MEF2C: variants seen among roughly 807,000 people sequenced by gnomAD.
The protein encoded by MEF2C is myocyte-specific enhancer factor 2C.
In MEF2C, 6 loss-of-function variants were observed where a neutral mutation model predicts 50.5. The observed-to-expected ratio is 0.12, with a 90% CI of 0.07 to 0.23. MEF2C has a LOEUF of 0.23. MEF2C is among the 10% of genes least tolerant of loss of function. The pLI is 1.00. For missense variants in MEF2C, 276 were observed against 605.0 expected, an observed-to-expected ratio of 0.46 and a Z score of 5.70; for synonymous variants, 183 against 228.0, an observed-to-expected ratio of 0.80 and a Z score of 1.78.
intron 3 of MEF2C, among the ~76,000 whole-genome samples, chr5:88,801,996 T>C (rs1278512942): frequency 6.6e-6 from 1 of 152,338 alleles, no homozygotes; most frequent in Middle Eastern, 3.4e-3. Flanking sequence ...ATGTGAAGAA[T>C]GCATAATTCA....
At chr5:88,772,767 A>C (rs932494163) in intron 3 of MEF2C, 21 of 985,290 alleles carry the variant, frequency 2.1e-5, no homozygotes, top group Non-Finnish European at 2.5e-5. Context: ...GCTATAAGTC[A>C]TTCACTCTTG....
intron 1 of MEF2C, chr5:88,824,290 G>A (rs1310686132): frequency 4.1e-6 from 4 of 985,114 alleles, no homozygotes; most frequent in Non-Finnish European, 1.2e-6. Context: ...AAATCAGAGA[G>A]TTAATGAACC....
chr5:88,868,695 T>C (rs969048777), intron 1 of MEF2C, among the ~76,000 whole-genome samples: 1 of 152,146 alleles, frequency 6.6e-6, no homozygotes, highest in Non-Finnish European at 1.5e-5. Flanking sequence ...AACATTCTTA[T>C]CAGTTCACCA....
Position 88,751,854 on chromosome 5 carries a change from T to G in MEF2C, c.589+3A>C. Reference sequence around the variant, plus strand: ...TTAGCATTACATCCTTATGAGGACATACCTGTGTTACCTGCACTTGGAGGT... The same window carrying G: ...TTAGCATTACATCCTTATGAGGACAGACCTGTGTTACCTGCACTTGGAGGT... On this transcript the variant is annotated splice_donor_region_variant and intron_variant, in intron 5 of 10. Coordinates refer to ENST00000504921, the MANE Select transcript of MEF2C (RefSeq NM_002397.5). 1 of 1,613,746 alleles carries G rather than the reference T, an allele frequency of 6.2e-7. No homozygotes were observed. The highest frequency in any genetic ancestry group is 1.3e-5 in the African/African-American group (1 of 75,040).
chr5:88,751,939 T>C lies in MEF2C; in HGVS notation c.507A>G (p.Leu169=). ...GCAGAGAAGGGTGAGCCAGTGGCAA[T>C]AGGTTGGGGTTTCCCAGTGAGCTGA... ...NPVSSLGNPN[L]LPLAHPSLQR... is the part of the protein sequence containing the mutation. The change falls in exon 5 of 11, where the codon CTA becomes CTG. Residue 169 remains leucine, a synonymous_variant. Coordinates refer to ENST00000504921, the MANE Select transcript of MEF2C (RefSeq NM_002397.5). The C allele has an allele frequency of 1.2e-6, 2 of 1,613,902 alleles. No homozygotes were observed. Among genetic ancestry groups the C allele is most frequent in the Non-Finnish European group, 1.7e-6 (2 of 1,179,832 alleles).
intron 1 of MEF2C, among the ~76,000 whole-genome samples, chr5:88,850,832 A>C (rs1257957260): frequency 6.6e-6 from 1 of 151,920 alleles, no homozygotes; most frequent in African/African-American, 2.4e-5. Flanking sequence ...CTTACACATG[A>C]ATTTTCTTCC....
intron 1 of MEF2C, among the ~76,000 whole-genome samples, chr5:88,869,278 CAT>C (rs57717988): frequency 0.16 from 7,733 of 48,494 alleles, 460 homozygotes; most frequent in African/African-American, 0.29. Flanking sequence ...TATATATATA[CAT>C]ATATATATAT....
At chr5:88,849,332 A>C (rs1173127653) in intron 1 of MEF2C, among the ~76,000 whole-genome samples, 1 of 152,178 alleles carries the variant, frequency 6.6e-6, no homozygotes, top group Non-Finnish European at 1.5e-5. Context: ...ATTTTGGCTA[A>C]TCTGTTGAAT....
intron 3 of MEF2C, among the ~76,000 whole-genome samples, chr5:88,787,130 T>C (rs993888517): frequency 1.3e-5 from 2 of 152,016 alleles, no homozygotes; most frequent in Admixed American, 1.3e-4. Context: ...TAAATACTTG[T>C]GGAAAAGAAA....
intron 4 of MEF2C, among the ~76,000 whole-genome samples, chr5:88,758,853 TATCTTG>T: frequency 6.6e-6 from 1 of 152,340 alleles, no homozygotes; most frequent in South Asian, 2.1e-4. Context: ...AGAAATCACG[TATCTTG>T]ATCTTGAACT....
intron 1 of MEF2C, among the ~76,000 whole-genome samples, chr5:88,870,653 T>C (rs1159646141): frequency 1.3e-5 from 2 of 152,068 alleles, no homozygotes; most frequent in African/African-American, 4.8e-5. Flanking sequence ...CATATAAAAA[T>C]GTGTTTTAAA....
At chr5:88,777,802 G>A (rs6868451) in intron 3 of MEF2C, among the ~76,000 whole-genome samples, 87,508 of 151,674 alleles carry the variant, frequency 0.58, 27,186 homozygotes, top group Non-Finnish European at 0.71. Context: ...TAGATGGGAA[G>A]GCCCTTCACC....
rs574032466 is a variant in MEF2C, at chr5:88,804,405, C to T, written c.258+193G>A. ...CCAGATCTTACATGGTCTCTATCAT[C>T]ACATCACTCTAACTTTTGAAGGGGA... On this transcript the variant is annotated intron_variant, in intron 3 of 10. Coordinates refer to ENST00000504921, the MANE Select transcript of MEF2C (RefSeq NM_002397.5). 3 of 568,498 alleles carry T rather than the reference C, an allele frequency of 5.3e-6. No homozygotes were observed. In the East Asian group the frequency reaches 8.5e-5, roughly 16 times the overall value. 35.2% of individuals were successfully genotyped at this position (568,498 alleles called of 1,614,324 possible).
At chr5:88,734,594 T>TCAA in intron 6 of MEF2C, 4 of 732,442 alleles carry the variant, frequency 5.5e-6, no homozygotes, top group Non-Finnish European at 6.4e-6. Flanking sequence ...TTTTTTTTTT[T>TCAA]TTTTAGCATT....
chr5:88,840,294 A>ATT (rs1816860416), intron 1 of MEF2C, among the ~76,000 whole-genome samples: 1 of 152,148 alleles, frequency 6.6e-6, no homozygotes, highest in Admixed American at 6.5e-5. Flanking sequence ...AGAGAACAAC[A>ATT]TTTGGTGATC....
rs1175932539 is a variant in MEF2C, at chr5:88,721,547, C to T, written c.*1057G>A. The T allele has an allele frequency of 1.3e-5, 2 of 152,548 alleles. No homozygotes were observed. Among genetic ancestry groups the T allele is most frequent in the African/African-American group, 4.8e-5 (2 of 41,516 alleles). The allele number at this position is 152,548 out of a possible 1,614,324, so 9.4% of individuals were successfully genotyped here. A position where few individuals can be genotyped will look rare whatever the true frequency, so the allele number is the denominator to read the frequency against. The stretch of plus-strand genomic sequence containing the variant: ...CAACTGCACAAATATACCCCCCTCC[C>T]GCTATTAAGATAACAAAACTTCTGC... On this transcript the variant is annotated 3_prime_UTR_variant, in exon 11 of 11. Coordinates refer to ENST00000504921, the MANE Select transcript of MEF2C (RefSeq NM_002397.5).
At chr5:88,832,917 C>T (rs1281371807) in intron 1 of MEF2C, among the ~76,000 whole-genome samples, 1 of 152,128 alleles carries the variant, frequency 6.6e-6, no homozygotes, top group African/African-American at 2.4e-5. Flanking sequence ...TAGAACATAT[C>T]TGTTCATCCT....
intron 1 of MEF2C, among the ~76,000 whole-genome samples, chr5:88,869,268 TATATATATAC>T (rs1227714287): frequency 9.5e-4 from 59 of 62,410 alleles, no homozygotes; most frequent in African/African-American, 3.5e-3. Flanking sequence ...TATATATATA[TATATATATAC>T]ATATATATAT....
At chr5:88,727,446 G>C (rs1249464565) in intron 10 of MEF2C, among the ~76,000 whole-genome samples, 1 of 152,072 alleles carries the variant, frequency 6.6e-6, no homozygotes, top group Non-Finnish European at 1.5e-5. Flanking sequence ...CTAGTGGGTG[G>C]GGGGAGAGAG....
Sources: allele counts gnomAD v4.1 joint callset (sites outside exome capture counted in the v4.1 genomes callset), GRCh38; gene constraint gnomAD v4.1.1; transcripts MANE v1.5; gene names NCBI Gene and HGNC (gene_info 2026-07-23, HGNC 2026-07-21).